NCKAP5: variants seen among roughly 807,000 people sequenced by gnomAD.
The protein encoded by NCKAP5 is NCK associated protein 5.
NCKAP5 carries 92 observed loss-of-function variants against 167.0 expected under a neutral mutation model. The ratio of observed to expected loss-of-function variants is 0.55; its 90% CI spans 0.47 to 0.66. The LOEUF (loss-of-function observed/expected upper bound fraction) is 0.66. NCKAP5 is among the 30% of genes least tolerant of loss of function. The pLI, the probability that NCKAP5 is intolerant of heterozygous loss-of-function variation, is 0.00. For missense variants in NCKAP5, 2,378 were observed against 2,315.0 expected, an observed-to-expected ratio of 1.03 and a Z score of -0.56; for synonymous variants, 891 against 877.4, an observed-to-expected ratio of 1.02 and a Z score of -0.27.
In NCKAP5 at chr2:133,307,736, TTA is replaced by T. The variant is rs528167662; in HGVS notation, c.70-4628_70-4627del. 2.5e-3 allele frequency among the ~76,000 whole-genome samples: 375 copies of T among 152,314 alleles called. 1 individual carries two copies. The highest frequency in any genetic ancestry group is 4.1e-3 in the Non-Finnish European group (282 of 68,024). ...GGACCTACATCTTTTAATTAAAAAC[TTA>T]TGTTTTTATGCATATGTGTATAACC... On this transcript the variant is annotated intron_variant, in intron 3 of 19. Transcript: ENST00000409261.
intron 8 of NCKAP5, among the ~76,000 whole-genome samples, chr2:132,935,670 T>A (rs1360653943): frequency 6.6e-6 from 1 of 152,004 alleles, no homozygotes. Context: ...GAAAACTAAC[T>A]AGTGGTGGAA....
intron 8 of NCKAP5, among the ~76,000 whole-genome samples, chr2:132,886,210 C>T (rs1372890853): frequency 2.0e-5 from 3 of 152,116 alleles, no homozygotes; most frequent in Admixed American, 2.0e-4. Flanking sequence ...CAAAATATTG[C>T]AAAGAATTCC....
chr2:132,790,886 C>A (rs1247924079), intron 12 of NCKAP5, among the ~76,000 whole-genome samples: 6 of 152,166 alleles, frequency 3.9e-5, no homozygotes, highest in Admixed American at 3.9e-4. Context: ...AAAAGTACCA[C>A]AAGGGTGGTC....
At position 133,303,050 on chromosome 2, in the gene NCKAP5, T is replaced by C; in HGVS notation, c.130A>G (p.Arg44Gly). 1 of 1,600,760 alleles carries C rather than the reference T, an allele frequency of 6.2e-7. No individual in the cohort carries two copies. Among genetic ancestry groups the C allele is most frequent in the Non-Finnish European group, 8.5e-7 (1 of 1,173,052 alleles). Residue 44 changes from arginine to glycine, a missense_variant, in exon 4 of 20, where the codon AGG becomes GGG. This residue lies in a region of NCKAP5 where 1,049 missense variants were observed against 1,023.4 expected (regional missense o/e 1.02). Transcript: ENST00000409261. Reference protein sequence around the residue: ...HLLTQLEEQHRSLWREKLAVA... With the variant: ...HLLTQLEEQHGSLWREKLAVA... ...AATTGAACTCACCTCCAGAGACTCC[T>C]GTGTTGCTCCTCAAGCTGAGTCAGC...
intron 3 of NCKAP5, among the ~76,000 whole-genome samples, chr2:133,324,849 A>G (rs1185391256): frequency 6.6e-6 from 1 of 151,990 alleles, no homozygotes; most frequent in Non-Finnish European, 1.5e-5. Flanking sequence ...CCTCCCAAGT[A>G]TCTGGGATTA....
chr2:133,017,966 A>G (rs1211415530), intron 6 of NCKAP5, among the ~76,000 whole-genome samples: 4 of 152,218 alleles, frequency 2.6e-5, no homozygotes, highest in Admixed American at 6.5e-5. Context: ...CAAGGTGAAG[A>G]GTCTTTTCCA....
chr2:133,366,030 A>T (rs1000766730), intron 3 of NCKAP5, among the ~76,000 whole-genome samples: 8 of 152,250 alleles, frequency 5.3e-5, no homozygotes, highest in African/African-American at 1.7e-4. Flanking sequence ...GTAAAAGCAC[A>T]CATTTAAAAT....
At chr2:133,486,205 C>T (rs1242165977) in intron 3 of NCKAP5, among the ~76,000 whole-genome samples, 5 of 152,190 alleles carry the variant, frequency 3.3e-5, no homozygotes. Context: ...TAATCCATTG[C>T]ATTCTTTCTC....
intron 10 of NCKAP5, among the ~76,000 whole-genome samples, chr2:132,867,204 C>A (rs918734564): frequency 6.6e-6 from 1 of 152,008 alleles, no homozygotes. Flanking sequence ...TCCTGAGGCA[C>A]CATTAACAAA....
chr2:133,530,281 A>G (rs1277367341), intron 2 of NCKAP5, among the ~76,000 whole-genome samples: 1 of 151,930 alleles, frequency 6.6e-6, no homozygotes, highest in African/African-American at 2.4e-5. Context: ...AAGCTAATCT[A>G]TGCACCTGTC....
intron 12 of NCKAP5, among the ~76,000 whole-genome samples, chr2:132,791,588 A>G (rs1376591755): frequency 6.6e-6 from 1 of 152,146 alleles, no homozygotes; most frequent in Non-Finnish European, 1.5e-5. Context: ...TTTTATATAA[A>G]GCTTTGTCTC....
At chr2:132,967,145 G>A (rs1446219715) in intron 7 of NCKAP5, among the ~76,000 whole-genome samples, 1 of 147,378 alleles carries the variant, frequency 6.8e-6, no homozygotes, top group African/African-American at 2.5e-5. Context: ...AAATAATGAG[G>A]AGCCACTGCC....
chr2:133,483,634 G>A (rs1357718121), intron 3 of NCKAP5, among the ~76,000 whole-genome samples: 1 of 150,900 alleles, frequency 6.6e-6, no homozygotes, highest in East Asian at 2.0e-4. Context: ...AAAAGGGGGG[G>A]GGGCTTTTTC....
chr2:132,905,933 A>G (rs1326945613), intron 8 of NCKAP5, among the ~76,000 whole-genome samples: 1 of 152,182 alleles, frequency 6.6e-6, no homozygotes, highest in Non-Finnish European at 1.5e-5. Context: ...GGGACGCAGC[A>G]GAACTCCAAA....
the NCKAP5 span, among the ~76,000 whole-genome samples, chr2:133,668,156 C>A: frequency 2.6e-5 from 4 of 151,976 alleles, no homozygotes; most frequent in African/African-American, 9.7e-5. Flanking sequence ...TATGGATATA[C>A]CACATTTCCT....
chr2:133,335,268 A>G (rs1683137490), intron 3 of NCKAP5, among the ~76,000 whole-genome samples: 1 of 152,188 alleles, frequency 6.6e-6, no homozygotes, highest in African/African-American at 2.4e-5. Flanking sequence ...CTCACTCTTA[A>G]TCAAAGCAAA....
chr2:133,180,789 C>T (rs1299001535), intron 5 of NCKAP5, among the ~76,000 whole-genome samples: 1 of 152,000 alleles, frequency 6.6e-6, no homozygotes, highest in Non-Finnish European at 1.5e-5. Context: ...GGTTTGGCAA[C>T]AATGTTTTTA....
At chr2:132,735,204 T>C (rs1418188688) in intron 16 of NCKAP5, among the ~76,000 whole-genome samples, 1 of 152,248 alleles carries the variant, frequency 6.6e-6, no homozygotes, top group African/African-American at 2.4e-5. Context: ...CTTTGCCTCC[T>C]GATATGGTTT....
At chr2:133,369,555 T>C (rs920470411) in intron 3 of NCKAP5, among the ~76,000 whole-genome samples, 3 of 152,230 alleles carry the variant, frequency 2.0e-5, no homozygotes, top group Admixed American at 2.0e-4. Context: ...AAACTTTCAA[T>C]TTGCAATGTG....
Sources: allele counts gnomAD v4.1 joint callset (sites outside exome capture counted in the v4.1 genomes callset), GRCh38; gene constraint gnomAD v4.1.1; regional missense constraint gnomAD v4.1.1; transcripts MANE v1.5; gene names NCBI Gene and HGNC (gene_info 2026-07-23, HGNC 2026-07-21).